Variants in PFKFB3 observed in about 807,000 individuals in gnomAD.
The protein encoded by PFKFB3 is 6-phosphofructo-2-kinase/fructose-2,6-bisphosphatase 3.
PFKFB3 carries 33 observed loss-of-function variants against 68.0 expected under a neutral mutation model. The observed-to-expected ratio is 0.49, with a 90% CI of 0.37 to 0.65. The LOEUF is 0.65. PFKFB3 is among the 30% of genes least tolerant of loss of function. The pLI, the probability that PFKFB3 is intolerant of heterozygous loss-of-function variation, is 0.00. For missense variants in PFKFB3, 586 were observed against 712.2 expected (o/e 0.82, Z 2.02); for synonymous variants, 315 against 288.2 (o/e 1.09, Z -0.94).
chr10:6,188,995 C>T (rs1005006956), intron 1 of PFKFB3, among the ~76,000 whole-genome samples: 2 of 152,016 alleles, frequency 1.3e-5, no homozygotes, highest in Non-Finnish European at 1.5e-5. Context: ...CCACCTTGCC[C>T]GGCTAATTTT....
rs991658674 is a variant in PFKFB3 at position 6,233,231 on chromosome 10, T to C, written c.*289T>C. Reference sequence around the variant, plus strand: ...AGCCTCGGAGACCTTCACAAAGCCTTGGGAGGGTGATGAGTGCTGGTCCTG... The same window carrying C: ...AGCCTCGGAGACCTTCACAAAGCCTCGGGAGGGTGATGAGTGCTGGTCCTG... On this transcript the variant is annotated 3_prime_UTR_variant, in exon 15 of 15. Coordinates refer to ENST00000379775, the MANE Select transcript of PFKFB3 (RefSeq NM_004566.4). 3 of 412,992 alleles carry C rather than the reference T, an allele frequency of 7.3e-6. No homozygotes were observed. The highest frequency in any genetic ancestry group is 3.8e-5 in the South Asian group (1 of 26,248). The allele number at this position is 412,992 out of a possible 1,614,324, so 25.6% of individuals were successfully genotyped here.
chr10:6,206,220 C>T (rs1275215509), intron 1 of PFKFB3, among the ~76,000 whole-genome samples: 89 of 145,286 alleles, frequency 6.1e-4, no homozygotes, highest in African/African-American at 2.2e-3. Flanking sequence ...TTAATCCATC[C>T]AACCCTGAGT....
At position 6,154,916 on chromosome 10, in the gene PFKFB3, T is replaced by C. The variant is rs919739861; in HGVS notation, c.16+9903T>C. ...GCTGCACCTCCTCTAGGCCCTGTCCTTGGTAGAGGCTGTGAGTGGCCCGTA... is the reference window on the plus strand; with the variant it reads ...GCTGCACCTCCTCTAGGCCCTGTCCCTGGTAGAGGCTGTGAGTGGCCCGTA... On this transcript the variant is annotated intron_variant, in intron 1 of 14. Transcript: ENST00000379789. This position sits in a 1 kb window ranked among gnomAD's most constrained non-coding sequence, Gnocchi z 4.6. Among the ~76,000 whole-genome samples the C allele has an allele frequency of 1.3e-5, 2 of 152,150 alleles. No individual in the cohort carries two copies. The highest frequency in any genetic ancestry group is 2.9e-5 in the Non-Finnish European group (2 of 68,010).
At chr10:6,191,710 C>T (rs1381959190) in intron 1 of PFKFB3, among the ~76,000 whole-genome samples, 1 of 152,190 alleles carries the variant, frequency 6.6e-6, no homozygotes, top group African/African-American at 2.4e-5. Context: ...TGCCGTCCCT[C>T]TGGCCCACCG....
the PFKFB3 span, among the ~76,000 whole-genome samples, chr10:6,307,219 T>A: frequency 7.9e-5 from 12 of 152,044 alleles, no homozygotes; most frequent in African/African-American, 2.9e-4. Context: ...AGGCTGAGGC[T>A]CACGTTGCAG....
chr10:6,192,828 A>T (rs1327163477), intron 1 of PFKFB3, among the ~76,000 whole-genome samples: 1 of 152,144 alleles, frequency 6.6e-6, no homozygotes, highest in Non-Finnish European at 1.5e-5. Flanking sequence ...AGTTACAAAA[A>T]GTGCTCATCC....
At position 6,176,181 on chromosome 10, in the gene PFKFB3, G is replaced by A. The variant is rs1307203765; in HGVS notation, c.16+31168G>A. Reference sequence around the variant, plus strand: ...GGACACGGTGGAAGAATCTTATGGGGAAAATGCTGAGGGAAGGAAACCAGG... The same window carrying A: ...GGACACGGTGGAAGAATCTTATGGGAAAAATGCTGAGGGAAGGAAACCAGG... On this transcript the variant is annotated intron_variant, in intron 1 of 14. Coordinates refer to the PFKFB3 transcript ENST00000379789. Among the ~76,000 whole-genome samples, 4 of 152,202 alleles carry A rather than the reference G, an allele frequency of 2.6e-5. No homozygotes were observed. The East Asian group carries it at 7.7e-4, about 29-fold the overall frequency.
At chr10:6,175,129 C>A (rs965788773) in intron 1 of PFKFB3, among the ~76,000 whole-genome samples, 2 of 152,154 alleles carry the variant, frequency 1.3e-5, no homozygotes, top group African/African-American at 4.8e-5. Flanking sequence ...TGTTTCTTTT[C>A]TTTCAAAATT....
At chr10:6,324,491 A>G in the PFKFB3 span, among the ~76,000 whole-genome samples, 1 of 152,082 alleles carries the variant, frequency 6.6e-6, no homozygotes, top group Non-Finnish European at 1.5e-5. Flanking sequence ...CAGTGGCGTG[A>G]TCTCGGCTCA....
At position 6,233,911 on chromosome 10, in the gene PFKFB3, C is replaced by T. The variant is rs1845890143; in HGVS notation, c.*969C>T. 6.6e-6 allele frequency: 1 copy of T among 152,650 alleles called. No individual in the cohort carries two copies. The highest frequency in any genetic ancestry group is 2.1e-4 in the South Asian group (1 of 4,838). The allele number at this position is 152,650 out of a possible 1,614,324, so 9.5% of individuals were successfully genotyped here. On this transcript the variant is annotated 3_prime_UTR_variant, in exon 15 of 15. Coordinates refer to ENST00000379775, the MANE Select transcript of PFKFB3 (RefSeq NM_004566.4). ...CTTGCATTACCGTCCCTGCTCTTCC[C>T]AGGTGGGGACAGTGGCCCAAGCAAG...
chr10:6,274,755 G>T, the PFKFB3 span, among the ~76,000 whole-genome samples: 1 of 152,024 alleles, frequency 6.6e-6, no homozygotes, highest in Non-Finnish European at 1.5e-5. Flanking sequence ...AGGATCCCTC[G>T]AGCCCGGGTG....
the PFKFB3 span, among the ~76,000 whole-genome samples, chr10:6,279,013 A>G: frequency 1.3e-5 from 2 of 152,252 alleles, no homozygotes; most frequent in Non-Finnish European, 2.9e-5. Context: ...GAGGAAATGC[A>G]TGAAGCCCTG....
At chr10:6,167,480 A>C (rs1172663054) in intron 1 of PFKFB3, among the ~76,000 whole-genome samples, 1 of 152,218 alleles carries the variant, frequency 6.6e-6, no homozygotes, top group South Asian at 2.1e-4. Flanking sequence ...TTTCTGCCAC[A>C]TTTATTAAAT....
chr10:6,185,429 G>A (rs112313388), intron 1 of PFKFB3, among the ~76,000 whole-genome samples: 2 of 152,190 alleles, frequency 1.3e-5, no homozygotes, highest in African/African-American at 2.4e-5. Context: ...GTTTTCACAA[G>A]GATGGAGAGA....
intron 1 of PFKFB3, among the ~76,000 whole-genome samples, chr10:6,151,772 A>AGG (rs1841595636): frequency 6.6e-6 from 1 of 152,148 alleles, no homozygotes; most frequent in Non-Finnish European, 1.5e-5. Flanking sequence ...AGAAAGAGGA[A>AGG]GGTCTTGCCT....
chr10:6,231,481 C>T (rs146795717), intron 14 of PFKFB3: 5 of 985,332 alleles, frequency 5.1e-6, no homozygotes, highest in African/African-American at 1.7e-5. Context: ...TCACCCCCCA[C>T]GTGTCCTGAG....
the PFKFB3 span, among the ~76,000 whole-genome samples, chr10:6,292,013 GT>G: frequency 7.0e-6 from 1 of 143,434 alleles, no homozygotes; most frequent in East Asian, 2.1e-4. Flanking sequence ...GCATACAGTG[GT>G]TTGATCTTGG....
chr10:6,159,708 A>C (rs920864197), intron 1 of PFKFB3, among the ~76,000 whole-genome samples: 1 of 151,606 alleles, frequency 6.6e-6, no homozygotes, highest in Non-Finnish European at 1.5e-5. Flanking sequence ...AAAAAAAAAA[A>C]ACAAAACACC....
intron 1 of PFKFB3, among the ~76,000 whole-genome samples, chr10:6,146,032 G>T (rs1469893824): frequency 6.6e-6 from 1 of 152,166 alleles, no homozygotes; most frequent in Non-Finnish European, 1.5e-5. Flanking sequence ...CTCCTGCGCC[G>T]TCTGTTTGGG....
Sources: gnomAD v4.1 joint callset for allele counts (sites outside exome capture counted in the v4.1 genomes callset) on GRCh38, gnomAD v4.1.1 for gene constraint, Gnocchi (gnomAD v3.1) non-coding constraint, MANE v1.5 for transcripts, NCBI Gene and HGNC (gene_info 2026-07-23, HGNC 2026-07-21) for gene names.